Variants in PRKCH observed in about 807,000 individuals in gnomAD.
The protein encoded by PRKCH is protein kinase C eta type.
PRKCH carries 28 observed loss-of-function variants against 82.5 expected under a neutral mutation model. That is an observed-to-expected ratio of 0.34 (90% CI 0.25 to 0.47). The LOEUF is 0.47. Among genes scored for constraint, PRKCH ranks in the 20% least tolerant of loss-of-function variants. The pLI, the probability that PRKCH is intolerant of heterozygous loss-of-function variation, is 1.00. For missense variants in PRKCH, 705 were observed against 881.8 expected (o/e 0.80, Z 2.54); for synonymous variants, 322 against 327.4 (o/e 0.98, Z 0.18).
intron 9 of PRKCH, among the ~76,000 whole-genome samples, chr14:61,457,935 C>T (rs1250340068): frequency 6.6e-6 from 1 of 152,156 alleles, no homozygotes; most frequent in African/African-American, 2.4e-5. Context: ...TTGAAAAGGT[C>T]ATCATACATA....
At chr14:61,329,571 C>T (rs1217558515) in intron 1 of PRKCH, among the ~76,000 whole-genome samples, 4 of 152,104 alleles carry the variant, frequency 2.6e-5, no homozygotes, top group Non-Finnish European at 5.9e-5. Flanking sequence ...AGGATGTTCT[C>T]CATGATCTGT....
chr14:61,290,081 C>T (rs558012066), intron 1 of PRKCH, among the ~76,000 whole-genome samples: 1 of 152,232 alleles, frequency 6.6e-6, no homozygotes, highest in East Asian at 1.9e-4. Context: ...ATCACAAGGT[C>T]AGTAGATCGA....
chr14:61,236,973 G>A (rs1339440766), intron 1 of PRKCH, among the ~76,000 whole-genome samples: 1 of 152,178 alleles, frequency 6.6e-6, no homozygotes, highest in East Asian at 1.9e-4. Flanking sequence ...CTATGGAGCA[G>A]ACATTCATTT....
intron 2 of PRKCH, among the ~76,000 whole-genome samples, chr14:61,425,792 T>G (rs1883073351): frequency 6.6e-6 from 1 of 152,248 alleles, no homozygotes; most frequent in Admixed American, 6.5e-5. Context: ...AACCTCATCT[T>G]GAATTCTAAT....
chr14:61,510,421 GA>G (rs1181496544), intron 10 of PRKCH, among the ~76,000 whole-genome samples: 5 of 152,134 alleles, frequency 3.3e-5, no homozygotes, highest in Admixed American at 2.6e-4. Context: ...GAAGAGAAAG[GA>G]AAAGAGGAGG....
At chr14:61,440,916 A>AT (rs1018181541) in intron 2 of PRKCH, among the ~76,000 whole-genome samples, 13 of 75,252 alleles carry the variant, frequency 1.7e-4, no homozygotes, top group African/African-American at 2.9e-4. Context: ...AAATAACTAC[A>AT]TTTTTTTTCT....
At chr14:61,292,078 G>A (rs1263768003) in intron 1 of PRKCH, among the ~76,000 whole-genome samples, 2 of 152,124 alleles carry the variant, frequency 1.3e-5, no homozygotes, top group African/African-American at 4.8e-5. Context: ...GAAGTGGCAT[G>A]TATTTTAGAT....
intron 1 of PRKCH, among the ~76,000 whole-genome samples, chr14:61,220,333 C>G (rs1246171756): frequency 6.6e-6 from 1 of 151,918 alleles, no homozygotes; most frequent in Non-Finnish European, 1.5e-5. Flanking sequence ...AGCTATTGGA[C>G]AAAATGGGAG....
At chr14:61,362,574 T>G (rs867654905) in intron 1 of PRKCH, among the ~76,000 whole-genome samples, 10 of 152,202 alleles carry the variant, frequency 6.6e-5, no homozygotes, top group Admixed American at 1.3e-4. Flanking sequence ...TATTACATAT[T>G]TGTAAAAGTT....
intron 12 of PRKCH, among the ~76,000 whole-genome samples, chr14:61,542,713 C>G (rs964028381): frequency 1.3e-5 from 2 of 152,012 alleles, no homozygotes; most frequent in African/African-American, 4.8e-5. Flanking sequence ...TATCTGTGCC[C>G]CTGCCTTTTA....
chr14:61,377,457 TTTCTTTCCCTTTAAAACATG>T lies in PRKCH; in HGVS notation c.364-13757_364-13738del, dbSNP rs567568267. 4.6e-3 allele frequency among the ~76,000 whole-genome samples: 701 copies of T among 152,354 alleles called. 2 individuals are homozygous for T. The highest frequency in any genetic ancestry group is 0.015 in the African/African-American group (636 of 41,580). On this transcript the variant is annotated intron_variant, in intron 1 of 13. Coordinates refer to ENST00000332981, the MANE Select transcript of PRKCH (RefSeq NM_006255.5). Reference sequence around the variant, plus strand: ...ACTTTTGTGTCCAAATTTAAACTCATTTCTTTCCCTTTAAAACATGTTCTTTCCCTGAGTTCCCTGGCTGA... The same window carrying T: ...ACTTTTGTGTCCAAATTTAAACTCATTTCTTTCCCTGAGTTCCCTGGCTGA...
At chr14:61,349,441 A>C (rs2046041678) in intron 1 of PRKCH, among the ~76,000 whole-genome samples, 1 of 152,218 alleles carries the variant, frequency 6.6e-6, no homozygotes, top group African/African-American at 2.4e-5. Context: ...CATACAACCA[A>C]TAAAAGGGAA....
At chr14:61,380,727 A>G (rs2046494506) in intron 1 of PRKCH, among the ~76,000 whole-genome samples, 1 of 152,244 alleles carries the variant, frequency 6.6e-6, no homozygotes, top group African/African-American at 2.4e-5. Flanking sequence ...TATTGGAATC[A>G]AAGATTGAGA....
chr14:61,452,893 C>A, intron 6 of PRKCH: 1 of 276,002 alleles, frequency 3.6e-6, no homozygotes, highest in Non-Finnish European at 6.9e-6. Flanking sequence ...TGAATTGCCG[C>A]TACGATAAAG....
chr14:61,410,589 A>G (rs1031183177), intron 2 of PRKCH, among the ~76,000 whole-genome samples: 2 of 152,170 alleles, frequency 1.3e-5, no homozygotes, highest in African/African-American at 4.8e-5. Context: ...TCCAGCACCA[A>G]TTGTGGCCAA....
At chr14:61,450,745 T>C (rs1364484715) in intron 5 of PRKCH, 97 bp from the exon 6 acceptor site, 28 of 1,426,018 alleles carry the variant, frequency 2.0e-5, no homozygotes, top group Non-Finnish European at 2.7e-5. Context: ...TCAGGTGTCA[T>C]AGTGACACTT....
intron 1 of PRKCH, among the ~76,000 whole-genome samples, chr14:61,206,843 A>T (rs2044528133): frequency 6.6e-6 from 1 of 151,948 alleles, no homozygotes; most frequent in Non-Finnish European, 1.5e-5. Flanking sequence ...ACGGTGGCTC[A>T]TGCCTGCAAT....
chr14:61,324,548 G>T (rs2140119924), intron 1 of PRKCH, among the ~76,000 whole-genome samples: 1 of 152,122 alleles, frequency 6.6e-6, no homozygotes. Context: ...TCTTTTTAAA[G>T]AAAATCTTGT....
In PRKCH at chr14:61,528,836, A is replaced by G. The variant is rs894342927; in HGVS notation, c.1434-239A>G. On this transcript the variant is annotated intron_variant, in intron 10 of 13. Transcript: ENST00000332981. The stretch of plus-strand genomic sequence containing the variant: ...GCCTACATTTTCCTGTGGTCAGCCC[A>G]TTCTTAATGGGCGCATCATCTTGGA... 1.5e-5 allele frequency: 5 copies of G among 333,288 alleles called. No individual in the cohort carries two copies. The Admixed American group carries it at 1.9e-4, about 12-fold the overall frequency. The allele number at this position is 333,288 out of a possible 1,614,324, so 20.6% of individuals were successfully genotyped here. A position where few individuals can be genotyped will look rare whatever the true frequency, so the allele number is the denominator to read the frequency against.
Sources: allele counts gnomAD v4.1 joint callset (sites outside exome capture counted in the v4.1 genomes callset), GRCh38; gene constraint gnomAD v4.1.1; transcripts MANE v1.5; gene names NCBI Gene and HGNC (gene_info 2026-07-23, HGNC 2026-07-21).